The following DMD variants were observed in gnomAD, a reference collection of about 807,000 sequenced individuals.
DMD encodes mutant dystrophin.
Under a neutral mutation model 330.1 loss-of-function variants are expected in DMD, and 63 were observed. The observed-to-expected ratio is 0.19, with a 90% CI of 0.16 to 0.24. The LOEUF is 0.24. Ranked by LOEUF, DMD falls within the 10% of genes least tolerant of loss-of-function variation. The probability of loss-of-function intolerance (pLI) is 1.00; values close to 1 mark genes in which losing one functional copy is unlikely to be tolerated. For synonymous variants in DMD, 1,223 were observed against 959.8 expected, an observed-to-expected ratio of 1.27 and a Z score of -5.07; for missense variants, 3,344 against 2,684.1, an observed-to-expected ratio of 1.25 and a Z score of -5.43.
At chrX:32,474,242 AC>A (rs2040987179) in intron 21 of DMD, among the ~76,000 whole-genome samples, 1 of 103,382 alleles carries the variant, frequency 9.7e-6, no homozygotes, top group Admixed American at 1.0e-4. Context: ...CACACTCACC[AC>A]AGTTTCTTTA....
At chrX:31,451,313 A>C (rs1200276783) in intron 59 of DMD, among the ~76,000 whole-genome samples, 11 of 63,855 alleles carry the variant, frequency 1.7e-4, no homozygotes, top group East Asian at 4.4e-4. Context: ...GTGGAGTTTC[A>C]CTCTTGCTGC....
intron 44 of DMD, among the ~76,000 whole-genome samples, chrX:32,033,216 A>G (rs1303262357): frequency 1.8e-5 from 2 of 111,356 alleles, no homozygotes; most frequent in East Asian, 5.7e-4. Flanking sequence ...GGTGGTTGCC[A>G]GGGGCTGGGG....
intron 4 of DMD, among the ~76,000 whole-genome samples, chrX:32,842,642 T>C (rs1366746236): frequency 9.0e-6 from 1 of 111,162 alleles, no homozygotes; most frequent in Non-Finnish European, 1.9e-5. Flanking sequence ...GCATTCAGTG[T>C]TTAGCTCGTA....
At chrX:31,738,623 T>C (rs2087052107) in intron 51 of DMD, among the ~76,000 whole-genome samples, 1 of 112,121 alleles carries the variant, frequency 8.9e-6, no homozygotes, top group Admixed American at 9.5e-5. Flanking sequence ...ATATCTGCAC[T>C]CCCATGTTTA....
intron 7 of DMD, among the ~76,000 whole-genome samples, chrX:32,793,540 C>G (rs1247387861): frequency 9.8e-6 from 1 of 102,101 alleles, no homozygotes; most frequent in Non-Finnish European, 1.9e-5. Flanking sequence ...CTAGACTAAC[C>G]AAGAAAAAAA....
At chrX:32,480,419 TATACACAGTATGTGTCTATGTGTGTAC>T (rs1246121143) in intron 21 of DMD, among the ~76,000 whole-genome samples, 7 of 108,584 alleles carry the variant, frequency 6.4e-5, no homozygotes, top group African/African-American at 1.8e-4. Flanking sequence ...TACATGTGTA[TATACACAGTATGTGTCTATGTGTGTAC>T]ATACACAGTA....
chrX:33,278,385 A>C (rs1470791902), intron 1 of DMD, among the ~76,000 whole-genome samples: 1 of 110,858 alleles, frequency 9.0e-6, no homozygotes, highest in Non-Finnish European at 1.9e-5. Flanking sequence ...CTTTATGTTC[A>C]TGTGTACTCA....
At chrX:32,696,330 G>C (rs757449482) in intron 9 of DMD, among the ~76,000 whole-genome samples, 33 of 111,996 alleles carry the variant, frequency 2.9e-4, no homozygotes, top group African/African-American at 1.1e-3. Flanking sequence ...ATCATCTTCT[G>C]ATATGCTTCC....
chrX:32,727,496 T>C (rs1051407981), intron 7 of DMD, among the ~76,000 whole-genome samples: 3 of 110,456 alleles, frequency 2.7e-5, no homozygotes, highest in African/African-American at 9.8e-5. Flanking sequence ...TCACCTTAAT[T>C]AATTTTTCTA....
intron 29 of DMD, among the ~76,000 whole-genome samples, chrX:32,434,510 A>G (rs767083412): frequency 8.9e-6 from 1 of 112,612 alleles, no homozygotes; most frequent in Non-Finnish European, 1.9e-5. Context: ...AAACAAATTC[A>G]GAATTCTTGA....
chrX:31,456,580 A>G (rs1003743033), intron 59 of DMD, among the ~76,000 whole-genome samples: 1 of 111,809 alleles, frequency 8.9e-6, no homozygotes, highest in African/African-American at 3.2e-5. Flanking sequence ...AGAGGTAGGA[A>G]AGTTTAATGT....
intron 11 of DMD, among the ~76,000 whole-genome samples, chrX:32,639,661 A>C (rs1399634659): frequency 1.8e-5 from 2 of 112,469 alleles, no homozygotes; most frequent in East Asian, 5.6e-4. Flanking sequence ...ATAGCAAGGA[A>C]AGAATCAAAT....
intron 54 of DMD, among the ~76,000 whole-genome samples, chrX:31,632,175 T>C (rs1486013685): frequency 9.0e-6 from 1 of 111,582 alleles, no homozygotes; most frequent in East Asian, 2.8e-4. Context: ...TAAGACTGCA[T>C]TGAGTTGAAT....
intron 23 of DMD, among the ~76,000 whole-genome samples, chrX:32,465,295 CT>C (rs1227085548): frequency 3.6e-5 from 4 of 111,384 alleles, no homozygotes; most frequent in African/African-American, 1.3e-4. Context: ...ACCCATGATT[CT>C]TTCCCGTATT....
chrX:32,532,355 T>A (rs2047562994), intron 17 of DMD, among the ~76,000 whole-genome samples: 1 of 111,365 alleles, frequency 9.0e-6, no homozygotes, highest in Admixed American at 9.6e-5. Flanking sequence ...TCTTAAGGAG[T>A]CCCAGTCAAG....
chrX:32,112,462 C>T (rs1196786107), intron 44 of DMD, among the ~76,000 whole-genome samples: 6 of 111,474 alleles, frequency 5.4e-5, no homozygotes, highest in South Asian at 3.8e-4. Context: ...CAAGTAGCAG[C>T]GGGAAGGTCA....
At chrX:32,545,016 A>G in intron 17 of DMD, 143 bp downstream of exon 17, 2 of 544,940 alleles carry the variant, frequency 3.7e-6, no homozygotes, top group South Asian at 5.9e-5. Flanking sequence ...AATGTACTTC[A>G]TAATTTTTCT....
intron 60 of DMD, among the ~76,000 whole-genome samples, chrX:31,427,989 C>G (rs2063807440): frequency 8.9e-6 from 1 of 112,123 alleles, no homozygotes; most frequent in Admixed American, 9.5e-5. Context: ...ACTGTGGTGT[C>G]TGCTACTTAG....
At chrX:32,448,381 T>A in intron 27 of DMD, 75 bp downstream of exon 27, 5 of 1,122,013 alleles carry the variant, frequency 4.5e-6, no homozygotes, top group Non-Finnish European at 6.1e-6. Context: ...CTGGTATCCA[T>A]GTTCTTAACC....
Sources: allele counts gnomAD v4.1 joint callset (sites outside exome capture counted in the v4.1 genomes callset), GRCh38; gene constraint gnomAD v4.1.1; transcripts MANE v1.5; gene names NCBI Gene and HGNC (gene_info 2026-07-23, HGNC 2026-07-21).